EOGT: variants seen among roughly 807,000 people sequenced by gnomAD.
The protein encoded by EOGT is EGF domain-specific O-linked N-acetylglucosamine transferase.
Under a neutral mutation model 70.5 loss-of-function variants are expected in EOGT, and 55 were observed. The observed-to-expected ratio is 0.78, with a 90% confidence interval of 0.63 to 0.98. The LOEUF is 0.98. Ranked by LOEUF, EOGT falls within the 50% of genes least tolerant of loss-of-function variation. The pLI is 0.00. For synonymous variants in EOGT, 246 were observed against 217.1 expected (o/e 1.13, Z -1.17); for missense variants, 703 against 641.9 (o/e 1.10, Z -1.03).
At chr3:68,984,457 A>T (rs1396973111) in intron 14 of EOGT, among the ~76,000 whole-genome samples, 1 of 152,220 alleles carries the variant, frequency 6.6e-6, no homozygotes, top group Non-Finnish European at 1.5e-5. Context: ...TAGTTGCACG[A>T]AAAAGGTGGC....
chr3:68,985,674 C>T (rs2090784721), intron 14 of EOGT, among the ~76,000 whole-genome samples: 1 of 152,144 alleles, frequency 6.6e-6, no homozygotes, highest in Admixed American at 6.5e-5. Flanking sequence ...ATCACTTTGG[C>T]TAAACACTCT....
intron 10 of EOGT, among the ~76,000 whole-genome samples, chr3:68,995,554 C>T (rs1205698049): frequency 6.6e-6 from 1 of 152,076 alleles, no homozygotes; most frequent in Non-Finnish European, 1.5e-5. Context: ...GCCGTGCATC[C>T]TACTCCAGCA....
intron 5 of EOGT, 145 bp from the exon 6 acceptor site, chr3:69,007,966 C>T: frequency 7.1e-6 from 4 of 566,434 alleles, no homozygotes; most frequent in Non-Finnish European, 1.2e-5. Flanking sequence ...AAAACTACGC[C>T]TCACTACATG....
chr3:68,993,299 G>C (rs926717631), intron 10 of EOGT, among the ~76,000 whole-genome samples: 2 of 152,098 alleles, frequency 1.3e-5, no homozygotes, highest in Admixed American at 6.6e-5. Context: ...ATACTTTCCT[G>C]CTTAGAAATT....
intron 9 of EOGT, among the ~76,000 whole-genome samples, chr3:68,998,590 A>C (rs1257977054): frequency 6.6e-6 from 1 of 152,190 alleles, no homozygotes; most frequent in Non-Finnish European, 1.5e-5. Flanking sequence ...ACAGTGGCTC[A>C]CACCTGTAAT....
intron 15 of EOGT, among the ~76,000 whole-genome samples, chr3:68,980,691 A>G (rs904260146): frequency 6.6e-5 from 10 of 152,234 alleles, no homozygotes; most frequent in African/African-American, 1.2e-4. Flanking sequence ...TGACAGCTCC[A>G]TGTGTATGTG....
chr3:69,008,349 C>T, intron 5 of EOGT, 79 bp downstream of exon 5: 7 of 995,382 alleles, frequency 7.0e-6, no homozygotes, highest in Non-Finnish European at 1.1e-5. Context: ...CCAAAAGAAT[C>T]TAGCTGGAAA....
At chr3:69,006,924 A>C (rs540815364) in intron 6 of EOGT, among the ~76,000 whole-genome samples, 1 of 152,240 alleles carries the variant, frequency 6.6e-6, no homozygotes, top group African/African-American at 2.4e-5. Flanking sequence ...CCATACTGAT[A>C]AAGTGGCATC....
intron 5 of EOGT, among the ~76,000 whole-genome samples, chr3:69,008,189 T>G (rs367861101): frequency 3.3e-5 from 5 of 152,216 alleles, no homozygotes; most frequent in African/African-American, 1.2e-4. Flanking sequence ...ATCTTCTTAC[T>G]ATACACTGGG....
intron 10 of EOGT, among the ~76,000 whole-genome samples, chr3:68,992,191 C>T (rs1291524378): frequency 2.6e-5 from 4 of 152,156 alleles, no homozygotes; most frequent in African/African-American, 9.7e-5. Flanking sequence ...CTCATTTCAG[C>T]ACTAACCCAA....
At chr3:68,999,915 C>A (rs1210323222) in intron 9 of EOGT, among the ~76,000 whole-genome samples, 4 of 152,142 alleles carry the variant, frequency 2.6e-5, no homozygotes, top group Non-Finnish European at 5.9e-5. Context: ...CCCTAAGGTA[C>A]AAGTTAACAT....
chr3:68,990,313 C>G (rs1186485495), intron 10 of EOGT, among the ~76,000 whole-genome samples: 1 of 150,924 alleles, frequency 6.6e-6, no homozygotes, highest in South Asian at 2.1e-4. Flanking sequence ...TGCCTTTCAG[C>G]AGGAATTAGT....
intron 15 of EOGT, 105 bp downstream of exon 15, chr3:68,982,706 G>A: frequency 1.5e-6 from 1 of 688,926 alleles, no homozygotes; most frequent in Non-Finnish European, 2.4e-6. Context: ...TGTCCCTTCT[G>A]GGCCTACAAA....
intron 14 of EOGT, among the ~76,000 whole-genome samples, chr3:68,983,502 G>A (rs1374656199): frequency 6.6e-6 from 1 of 152,230 alleles, no homozygotes; most frequent in East Asian, 1.9e-4. Context: ...TTAGGCCACG[G>A]GGGATCACCA....
chr3:68,996,494 G>C (rs6777604), intron 10 of EOGT, among the ~76,000 whole-genome samples: 3,165 of 152,322 alleles, frequency 0.021, 118 homozygotes, highest in African/African-American at 0.073. Flanking sequence ...GGAAAGCCAT[G>C]TTTCGGATTC....
chr3:68,988,018 G>A (rs1456773363), intron 13 of EOGT, among the ~76,000 whole-genome samples: 2 of 152,194 alleles, frequency 1.3e-5, no homozygotes, highest in African/African-American at 4.8e-5. Flanking sequence ...GGGTTCAAGC[G>A]ATTCTCATGC....
chr3:68,980,651 TAAC>T (rs2090612908), intron 15 of EOGT, among the ~76,000 whole-genome samples: 1 of 152,194 alleles, frequency 6.6e-6, no homozygotes, highest in Non-Finnish European at 1.5e-5. Flanking sequence ...TTACACCAGC[TAAC>T]AACAAAAACT....
intron 16 of EOGT, 150 bp from the exon 17 acceptor site, chr3:68,978,585 G>C (rs1194526531): frequency 1.8e-6 from 1 of 560,110 alleles, no homozygotes; most frequent in African/African-American, 2.0e-5. Flanking sequence ...GACTGAGGAA[G>C]AGAATGTAAA....
At chr3:68,981,832 T>G (rs2090650837) in intron 15 of EOGT, among the ~76,000 whole-genome samples, 1 of 143,008 alleles carries the variant, frequency 7.0e-6, no homozygotes, top group Non-Finnish European at 1.5e-5. Context: ...TTTTGATAAC[T>G]TTTTTGTTAT....
Sources: gnomAD v4.1 joint callset for allele counts (sites outside exome capture counted in the v4.1 genomes callset) on GRCh38, gnomAD v4.1.1 for gene constraint, MANE v1.5 for transcripts, NCBI Gene and HGNC (gene_info 2026-07-23, HGNC 2026-07-21) for gene names.